The following CACHD1 variants were observed in gnomAD, a reference collection of about 807,000 sequenced individuals.
CACHD1 encodes cache domain containing 1, also known as VWFA and cache domain-containing protein 1.
In CACHD1, 71 loss-of-function variants were observed where a neutral mutation model predicts 138.7. The observed-to-expected ratio is 0.51, with a 90% CI of 0.42 to 0.62. CACHD1 has a LOEUF of 0.62. Ranked by LOEUF, CACHD1 falls within the 20% of genes least tolerant of loss-of-function variation. CACHD1 has a pLI of 0.00. For synonymous variants in CACHD1, 578 were observed against 591.5 expected (o/e 0.98, Z 0.33); for missense variants, 1,389 against 1,625.3 (o/e 0.85, Z 2.50).
chr1:64,504,058 T>C (rs1458675413), intron 1 of CACHD1, among the ~76,000 whole-genome samples: 1 of 152,180 alleles, frequency 6.6e-6, no homozygotes, highest in African/African-American at 2.4e-5. Flanking sequence ...AGACAGGGTC[T>C]CACTCTGTCA....
intron 2 of CACHD1, among the ~76,000 whole-genome samples, chr1:64,553,412 C>G (rs1646774553): frequency 6.6e-6 from 1 of 152,166 alleles, no homozygotes; most frequent in African/African-American, 2.4e-5. Flanking sequence ...GTTTCCTATT[C>G]TGTAAAATAT....
chr1:64,667,890 A>T (rs1649687370), intron 16 of CACHD1, among the ~76,000 whole-genome samples: 1 of 152,198 alleles, frequency 6.6e-6, no homozygotes, highest in Non-Finnish European at 1.5e-5. Context: ...GTAGGGGCAG[A>T]TGTTTATGCT....
intron 1 of CACHD1, among the ~76,000 whole-genome samples, chr1:64,471,302 A>G (rs971641456): frequency 2.0e-5 from 3 of 151,422 alleles, no homozygotes; most frequent in South Asian, 2.1e-4. Context: ...GCTTGTTTTC[A>G]CCCTGCCACG....
chr1:64,634,016 TG>T (rs5774714), intron 6 of CACHD1, 27 bp from the exon 7 acceptor site: 87,125 of 1,418,466 alleles, frequency 0.061, 1,024 homozygotes, highest in Admixed American at 0.12. Flanking sequence ...ACAAGTTTGG[TG>T]GTTTTTTTTT....
At chr1:64,477,634 A>ATTTT (rs1038287180) in intron 1 of CACHD1, among the ~76,000 whole-genome samples, 20 of 131,804 alleles carry the variant, frequency 1.5e-4, no homozygotes, top group Middle Eastern at 4.2e-3. Flanking sequence ...ATTTTATTTT[A>ATTTT]TTTTTTTTTT....
chr1:64,480,876 C>T (rs1239784333), intron 1 of CACHD1, among the ~76,000 whole-genome samples: 1 of 148,066 alleles, frequency 6.8e-6, no homozygotes, highest in Non-Finnish European at 1.5e-5. Flanking sequence ...GTTTCTTTCT[C>T]TCTCTCTCCC....
At chr1:64,575,078 C>A (rs1646956839) in intron 2 of CACHD1, among the ~76,000 whole-genome samples, 1 of 152,220 alleles carries the variant, frequency 6.6e-6, no homozygotes, top group Admixed American at 6.5e-5. Flanking sequence ...GTTACTACTA[C>A]CTTTCTAGGC....
chr1:64,639,882 C>T (rs775349882), intron 7 of CACHD1, among the ~76,000 whole-genome samples: 6 of 152,206 alleles, frequency 3.9e-5, no homozygotes, highest in South Asian at 4.1e-4. Context: ...TCTGGCCCAA[C>T]GAGTTTCTTG....
chr1:64,646,284 T>C (rs1353777599), intron 8 of CACHD1, among the ~76,000 whole-genome samples: 2 of 152,122 alleles, frequency 1.3e-5, no homozygotes, highest in East Asian at 3.9e-4. Context: ...TACTCTGGAG[T>C]GTACCCCTCA....
intron 14 of CACHD1, chr1:64,664,260 C>T: frequency 1.8e-6 from 1 of 554,932 alleles, no homozygotes; most frequent in Non-Finnish European, 3.2e-6. Flanking sequence ...GATTTTTCTT[C>T]TTAAACTCAG....
At chr1:64,478,467 C>T (rs953502793) in intron 1 of CACHD1, among the ~76,000 whole-genome samples, 1 of 152,172 alleles carries the variant, frequency 6.6e-6, no homozygotes, top group Non-Finnish European at 1.5e-5. Context: ...ATAGCTGTAA[C>T]TGGGAGAGAA....
intron 7 of CACHD1, among the ~76,000 whole-genome samples, chr1:64,638,413 A>G (rs926179275): frequency 6.6e-6 from 1 of 152,244 alleles, no homozygotes; most frequent in African/African-American, 2.4e-5. Context: ...GCTACATGTC[A>G]TAAATCATTG....
At chr1:64,522,305 C>G (rs1646503939) in intron 1 of CACHD1, among the ~76,000 whole-genome samples, 1 of 92,906 alleles carries the variant, frequency 1.1e-5, no homozygotes, top group Non-Finnish European at 2.8e-5. Flanking sequence ...TCTCAACCCC[C>G]ACATTTTTTT....
chr1:64,634,619 A>G (rs1379963485), intron 7 of CACHD1, among the ~76,000 whole-genome samples: 1 of 152,044 alleles, frequency 6.6e-6, no homozygotes, highest in Admixed American at 6.6e-5. Flanking sequence ...TCTTGAACTC[A>G]AGCAATCCAC....
At chr1:64,498,689 C>T (rs893186894) in intron 1 of CACHD1, among the ~76,000 whole-genome samples, 7 of 152,234 alleles carry the variant, frequency 4.6e-5, no homozygotes, top group African/African-American at 1.7e-4. Context: ...GTCTTGCATG[C>T]AGAGTCTTAA....
At chr1:64,485,607 G>T (rs752703312) in intron 1 of CACHD1, among the ~76,000 whole-genome samples, 3 of 152,046 alleles carry the variant, frequency 2.0e-5, no homozygotes, top group Non-Finnish European at 4.4e-5. Flanking sequence ...TTGAGACAGG[G>T]TCTTGCTCTG....
intron 1 of CACHD1, among the ~76,000 whole-genome samples, chr1:64,491,327 A>G (rs1646273477): frequency 6.6e-6 from 1 of 151,358 alleles, no homozygotes; most frequent in Non-Finnish European, 1.5e-5. Context: ...ATAAATAATT[A>G]TCTGAGACTG....
At chr1:64,552,842 G>A (rs947894158) in intron 2 of CACHD1, among the ~76,000 whole-genome samples, 3 of 152,196 alleles carry the variant, frequency 2.0e-5, no homozygotes, top group African/African-American at 4.8e-5. Flanking sequence ...TCAGATACAG[G>A]AGTCTCTGCT....
chr1:64,495,784 C>G (rs1215207233), intron 1 of CACHD1, among the ~76,000 whole-genome samples: 3 of 152,032 alleles, frequency 2.0e-5, no homozygotes, highest in Non-Finnish European at 4.4e-5. Flanking sequence ...TTCATCTAAG[C>G]CTACTTTTTT....
Sources: gnomAD v4.1 joint callset for allele counts (sites outside exome capture counted in the v4.1 genomes callset) on GRCh38, gnomAD v4.1.1 for gene constraint, MANE v1.5 for transcripts, NCBI Gene and HGNC (gene_info 2026-07-23, HGNC 2026-07-21) for gene names.